Variants in COMMD7 observed in about 807,000 individuals in gnomAD.
COMMD7 encodes the protein COMM domain-containing protein 7.
In COMMD7, 28 loss-of-function variants were observed where a neutral mutation model predicts 34.8. That is an observed-to-expected ratio of 0.80 (90% CI 0.60 to 1.10). The LOEUF (loss-of-function observed/expected upper bound fraction) is 1.10. Ranked by LOEUF, COMMD7 falls within the 50% of genes least tolerant of loss-of-function variation. The probability of loss-of-function intolerance (pLI) is 0.00; values close to 1 mark genes in which losing one functional copy is unlikely to be tolerated. For missense variants in COMMD7, 211 were observed against 241.6 expected, an observed-to-expected ratio of 0.87 and a Z score of 0.84; for synonymous variants, 80 against 86.4, an observed-to-expected ratio of 0.93 and a Z score of 0.41.
At chr20:32,711,918 C>T (rs1384739159) in intron 3 of COMMD7, among the ~76,000 whole-genome samples, 1 of 151,988 alleles carries the variant, frequency 6.6e-6, no homozygotes, top group Non-Finnish European at 1.5e-5. Flanking sequence ...GGCGTGGTGG[C>T]TCGTGCCTGT....
chr20:32,737,099 G>GCT, intron 1 of COMMD7, among the ~76,000 whole-genome samples: 1 of 150,464 alleles, frequency 6.6e-6, no homozygotes, highest in South Asian at 2.1e-4. Flanking sequence ...GGAGAATGGT[G>GCT]TGAACCCAGG....
At chr20:32,710,901 A>G (rs923545810) in intron 3 of COMMD7, among the ~76,000 whole-genome samples, 4 of 151,952 alleles carry the variant, frequency 2.6e-5, no homozygotes, top group Non-Finnish European at 5.9e-5. Context: ...CATCATAGCA[A>G]AACCCTGCCT....
intron 3 of COMMD7, among the ~76,000 whole-genome samples, chr20:32,715,861 C>G (rs899623910): frequency 2.0e-5 from 3 of 152,080 alleles, no homozygotes; most frequent in African/African-American, 7.2e-5. Flanking sequence ...TAAAAACAGG[C>G]TTAAATAGTG....
At position 32,704,860 on chromosome 20, in the gene COMMD7, C is replaced by T. The variant is rs374100139; in HGVS notation, c.381G>A (p.Gln127=). The T allele has an allele frequency of 1.3e-4, 215 of 1,614,092 alleles. No homozygotes were observed. The highest frequency in any genetic ancestry group is 1.8e-4 in the Non-Finnish European group (207 of 1,179,996). The part of the protein sequence containing the change: ...APTLARWAIG[Q]TLMINQLIDM... ...CTATGAGCTGGTTAATCATCAGAGT[C>T]TGACCTATGGCCCATCGAGCAAGGG... is the stretch of plus-strand genomic sequence containing the variant. The change falls in exon 6 of 9, where the codon CAG becomes CAA. Residue 127 remains glutamine (Q), a synonymous_variant. Coordinates refer to ENST00000278980, the MANE Select transcript of COMMD7 (RefSeq NM_053041.3).
chr20:32,732,206 T>C (rs1467255110), intron 1 of COMMD7, among the ~76,000 whole-genome samples: 1 of 152,188 alleles, frequency 6.6e-6, no homozygotes, highest in Non-Finnish European at 1.5e-5. Flanking sequence ...CACCTCAGTC[T>C]GCTGAGTAGC....
intron 7 of COMMD7, 26 bp downstream of exon 7, chr20:32,704,414 T>A: frequency 6.3e-7 from 1 of 1,596,276 alleles, no homozygotes; most frequent in East Asian, 2.2e-5. Flanking sequence ...AATCTACCCA[T>A]TTTCAAGGAT....
At chr20:32,708,815 G>T (rs1984251183) in intron 3 of COMMD7, among the ~76,000 whole-genome samples, 1 of 151,968 alleles carries the variant, frequency 6.6e-6, no homozygotes. Context: ...GGGACTACAG[G>T]CGTGTGCCAT....
At chr20:32,710,042 C>A (rs1378473468) in intron 3 of COMMD7, among the ~76,000 whole-genome samples, 5 of 151,896 alleles carry the variant, frequency 3.3e-5, no homozygotes, top group Admixed American at 2.6e-4. Context: ...CAATGCTTGA[C>A]TAATTTTTAA....
intron 3 of COMMD7, among the ~76,000 whole-genome samples, chr20:32,710,479 C>T (rs1209736412): frequency 6.6e-6 from 1 of 152,060 alleles, no homozygotes; most frequent in Non-Finnish European, 1.5e-5. Flanking sequence ...GTGCTGTCAT[C>T]CCAGCACTTT....
Position 32,703,169 on chromosome 20 carries a change from T to C in COMMD7, c.*213A>G. The C allele has an allele frequency of 2.4e-6, 1 of 413,606 alleles. No individual in the cohort carries two copies. The highest frequency in any genetic ancestry group is 4.3e-6 in the Non-Finnish European group (1 of 233,264). The allele number at this position is 413,606 out of a possible 1,614,324, so 25.6% of individuals were successfully genotyped here. A position where few individuals can be genotyped will look rare whatever the true frequency, so the allele number is the denominator to read the frequency against. On this transcript the variant is annotated 3_prime_UTR_variant, in exon 9 of 9. Coordinates refer to ENST00000278980, the MANE Select transcript of COMMD7 (RefSeq NM_053041.3). ...GTCCTGGAAGACAGGTGGTGGTGGTTGCCCTAACAGAGAGTTTACAGGGTA... is the reference window on the plus strand; with the variant it reads ...GTCCTGGAAGACAGGTGGTGGTGGTCGCCCTAACAGAGAGTTTACAGGGTA...
chr20:32,737,368 T>TC (rs1986190332), intron 1 of COMMD7, among the ~76,000 whole-genome samples: 1 of 19,174 alleles, frequency 5.2e-5, no homozygotes, highest in African/African-American at 1.4e-4. Context: ...AGACTCCGTC[T>TC]CAAAAAAAAA....
intron 1 of COMMD7, among the ~76,000 whole-genome samples, chr20:32,728,934 C>T (rs537242672): frequency 6.6e-6 from 1 of 152,146 alleles, no homozygotes; most frequent in South Asian, 2.1e-4. Flanking sequence ...TAAACTGTAA[C>T]ACTTTATTAT....
chr20:32,706,879 A>G (rs1474790344), intron 3 of COMMD7, 119 bp from the exon 4 acceptor site: 3 of 738,090 alleles, frequency 4.1e-6, no homozygotes, highest in Non-Finnish European at 7.2e-6. Context: ...AAGACTGGCC[A>G]GCTCCAAGAT....
At chr20:32,711,172 G>A (rs1422466834) in intron 3 of COMMD7, among the ~76,000 whole-genome samples, 1 of 152,120 alleles carries the variant, frequency 6.6e-6, no homozygotes, top group Non-Finnish European at 1.5e-5. Context: ...TGAGGCGGGT[G>A]GATCACTTGA....
intron 3 of COMMD7, among the ~76,000 whole-genome samples, chr20:32,727,534 CAA>C (rs11480967): frequency 4.4e-4 from 37 of 83,928 alleles, no homozygotes; most frequent in Admixed American, 7.7e-4. Flanking sequence ...GATTCTGTCT[CAA>C]AAAAAAAAAA....
rs868464664 is a variant in COMMD7, at chr20:32,712,502, G to A, written c.242-5742C>T. Among the ~76,000 whole-genome samples, 12 of 148,466 alleles carry A rather than the reference G, an allele frequency of 8.1e-5. No homozygotes were observed. The South Asian group carries it at 8.6e-4, about 11-fold the overall frequency. ...TAGCCTGGTGACAGAGCAAGATTCC[G>A]TCTCAAATTAAAAAAAAAAAAACCT... On this transcript the variant is annotated intron_variant, in intron 3 of 8. Coordinates refer to ENST00000278980, the MANE Select transcript of COMMD7 (RefSeq NM_053041.3).
At chr20:32,721,475 C>T (rs191384254) in intron 3 of COMMD7, among the ~76,000 whole-genome samples, 2 of 150,652 alleles carry the variant, frequency 1.3e-5, no homozygotes, top group South Asian at 4.2e-4. Context: ...CTGGGCAGGA[C>T]GGCTTACGCC....
intron 7 of COMMD7, 54 bp downstream of exon 7, chr20:32,704,386 A>C: frequency 6.5e-7 from 1 of 1,532,810 alleles, no homozygotes; most frequent in South Asian, 1.2e-5. Context: ...TGTAGATATA[A>C]TTTTTAACCA....
At chr20:32,728,022 G>C in intron 2 of COMMD7, 27 bp from the exon 3 acceptor site, 1 of 1,612,442 alleles carries the variant, frequency 6.2e-7, no homozygotes, top group Non-Finnish European at 8.5e-7. Context: ...GTGAAAACCC[G>C]GGCCTTCACT....
Sources: gnomAD v4.1 joint callset for allele counts (sites outside exome capture counted in the v4.1 genomes callset) on GRCh38, gnomAD v4.1.1 for gene constraint, MANE v1.5 for transcripts, NCBI Gene and HGNC (gene_info 2026-07-23, HGNC 2026-07-21) for gene names.